The following ZBTB7A variants were observed in gnomAD, a reference collection of about 807,000 sequenced individuals.
ZBTB7A encodes zinc finger and BTB domain containing 7A.
ZBTB7A carries 7 observed loss-of-function variants against 26.7 expected under a neutral mutation model. That is an observed-to-expected ratio of 0.26 (90% CI 0.15 to 0.49). The LOEUF is 0.49. ZBTB7A is among the 20% of genes least tolerant of loss of function. The pLI is 0.98. For synonymous variants in ZBTB7A, 452 were observed against 441.0 expected (o/e 1.02, Z -0.31); for missense variants, 617 against 919.5 (o/e 0.67, Z 4.25).
intron 1 of ZBTB7A, among the ~76,000 whole-genome samples, chr19:4,060,213 C>A (rs1599261341): frequency 1.3e-5 from 2 of 152,150 alleles, no homozygotes; most frequent in African/African-American, 4.8e-5. Context: ...GGCCCCTAAG[C>A]CCAACCCTCC....
Position 4,045,752 on chromosome 19 carries a change from T to C in ZBTB7A, c.*2000A>G, listed in dbSNP as rs1032001153. On this transcript the variant is annotated 3_prime_UTR_variant, in exon 3 of 3. Coordinates refer to ENST00000322357, the MANE Select transcript of ZBTB7A (RefSeq NM_015898.4). The surrounding 1 kb of genome is among the most constrained non-coding windows in gnomAD (Gnocchi z 4.1). Reference sequence around the variant, plus strand: ...AACGGGGTGAGGGCGTCCTGGCATCTGGCGACATAGTCTCCCCAACCCCGG... The same window carrying C: ...AACGGGGTGAGGGCGTCCTGGCATCCGGCGACATAGTCTCCCCAACCCCGG... 5.0e-6 allele frequency: 2 copies of C among 397,192 alleles called. No homozygotes were observed. Among genetic ancestry groups the C allele is most frequent in the African/African-American group, 2.1e-5 (1 of 48,604 alleles). The allele number at this position is 397,192 out of a possible 1,614,324, so 24.6% of individuals were successfully genotyped here.
At chr19:4,066,205 C>A (rs1344885963) in intron 1 of ZBTB7A, among the ~76,000 whole-genome samples, 1 of 133,798 alleles carries the variant, frequency 7.5e-6, no homozygotes. Context: ...CCCCTCCCCC[C>A]CATCCCCCAT....
intron 2 of ZBTB7A, among the ~76,000 whole-genome samples, chr19:4,053,312 T>C (rs2040523456): frequency 6.6e-6 from 1 of 152,204 alleles, no homozygotes; most frequent in African/African-American, 2.4e-5. Context: ...AACAGCCACG[T>C]GGGTCAGGGA....
Position 4,054,609 on chromosome 19 carries a change from G to GGCGGCCACA in ZBTB7A, c.615_623dup (p.Val209_Ala211dup). 2 of 1,584,172 alleles carry GGCGGCCACA rather than the reference G, an allele frequency of 1.3e-6. No homozygotes were observed. Among genetic ancestry groups the GGCGGCCACA allele is most frequent in the Non-Finnish European group, 1.7e-6 (2 of 1,169,820 alleles). ...AGCCGTTGCAGTCGCCCGCGGCCAC[G>GGCGGCCACA]GCGGCCACAGCGGCGGCCACGGCCT... On this transcript the variant is annotated inframe_insertion, in exon 2 of 3. Coordinates refer to ENST00000322357, the MANE Select transcript of ZBTB7A (RefSeq NM_015898.4).
rs2040424751 is a variant in ZBTB7A, at chr19:4,046,720, C to CT, written c.*1031dup. On this transcript the variant is annotated 3_prime_UTR_variant, in exon 3 of 3. Coordinates refer to ENST00000322357, the MANE Select transcript of ZBTB7A (RefSeq NM_015898.4). ...CCCTGGGGTTCCTCTGATCGTGACT[C>CT]TGTTTATCCCACACTGTTGCCTGCT... 1 of 149,266 alleles carries CT rather than the reference C, an allele frequency of 6.7e-6. No homozygotes were observed. The highest frequency in any genetic ancestry group is 1.9e-4 in the East Asian group (1 of 5,152). 9.2% of individuals were successfully genotyped at this position (149,266 alleles called of 1,614,324 possible). A position where few individuals can be genotyped will look rare whatever the true frequency, so the allele number is the denominator to read the frequency against.
At chr19:4,053,821 G>A in intron 2 of ZBTB7A, 150 bp downstream of exon 2, 2 of 864,366 alleles carry the variant, frequency 2.3e-6, no homozygotes, top group Non-Finnish European at 3.5e-6. Flanking sequence ...GCATGTGTCT[G>A]TGCGTGTACG....
chr19:4,066,366 C>T (rs1157542456), intron 1 of ZBTB7A, among the ~76,000 whole-genome samples: 1 of 150,240 alleles, frequency 6.7e-6, no homozygotes, highest in Non-Finnish European at 1.5e-5. Flanking sequence ...CAATGCAGCC[C>T]TGCTTCCCCT....
At chr19:4,056,202 C>T (rs1180904501) in intron 1 of ZBTB7A, among the ~76,000 whole-genome samples, 3 of 151,832 alleles carry the variant, frequency 2.0e-5, no homozygotes, top group East Asian at 1.9e-4. Flanking sequence ...TACACAAGGG[C>T]GGCCAGCTGT....
Position 4,054,188 on chromosome 19 carries a change from T to C in ZBTB7A, c.1045A>G (p.Met349Val). Residue 349 changes from methionine (M) to valine (V), a missense_variant, in exon 2 of 3, where the codon ATG becomes GTG. Coordinates refer to ENST00000322357, the MANE Select transcript of ZBTB7A (RefSeq NM_015898.4). ...EESRADDKGV[M>V]DYYLKYFSGA... Reference sequence around the variant, plus strand: ...CTGAAGTACTTCAGGTAGTAGTCCATGACGCCCTTGTCGTCGGCCCGCGAC... The same window carrying C: ...CTGAAGTACTTCAGGTAGTAGTCCACGACGCCCTTGTCGTCGGCCCGCGAC... The C allele has an allele frequency of 1.9e-6, 3 of 1,595,346 alleles. No individual in the cohort carries two copies. The highest frequency in any genetic ancestry group is 1.1e-5 in the South Asian group (1 of 90,774).
chr19:4,045,616 A>C lies in ZBTB7A; in HGVS notation c.*2136T>G. Reference sequence around the variant, plus strand: ...ATGTGTGTGTCACAGAGAAGGGGGTATGGGGGGGTCGGGGGCAGGGAGACA... The same window carrying C: ...ATGTGTGTGTCACAGAGAAGGGGGTCTGGGGGGGTCGGGGGCAGGGAGACA... On this transcript the variant is annotated 3_prime_UTR_variant, in exon 3 of 3. Coordinates refer to ENST00000322357, the MANE Select transcript of ZBTB7A (RefSeq NM_015898.4). This position sits in a 1 kb window ranked among gnomAD's most constrained non-coding sequence, Gnocchi z 4.1. The C allele has an allele frequency of 3.5e-6, 1 of 284,842 alleles. No homozygotes were observed. The highest frequency in any genetic ancestry group is 6.0e-6 in the Non-Finnish European group (1 of 166,234). The allele number at this position is 284,842 out of a possible 1,614,324, so 17.6% of individuals were successfully genotyped here.
At chr19:4,055,401 G>A (rs1171845434) in intron 1 of ZBTB7A, 154 bp from the exon 2 acceptor site, 4 of 985,288 alleles carry the variant, frequency 4.1e-6, no homozygotes, top group Non-Finnish European at 4.8e-6. Context: ...CAGATGTCGC[G>A]CCTTTCCAGC....
At chr19:4,059,505 C>A (rs2040617795) in intron 1 of ZBTB7A, among the ~76,000 whole-genome samples, 1 of 152,156 alleles carries the variant, frequency 6.6e-6, no homozygotes, top group Non-Finnish European at 1.5e-5. Flanking sequence ...CAAGGAAAGC[C>A]CCCGTGAGAG....
Position 4,054,820 on chromosome 19 carries a change from G to A in ZBTB7A, c.413C>T (p.Ala138Val), listed in dbSNP as rs866867944. 6.3e-7 allele frequency: 1 copy of A among 1,598,460 alleles called. No individual in the cohort carries two copies. Reference sequence around the variant, plus strand: ...TACAAGGTCCAGCTGCCCGGCGTCGGCGCCCGCGTCGGCCGCCAGGATCTG... The same window carrying A: ...TACAAGGTCCAGCTGCCCGGCGTCGACGCCCGCGTCGGCCGCCAGGATCTG... ...DRQILAADAG[A>V]DAGQLDLVDQ... Residue 138 changes from alanine to valine, a missense_variant, in exon 2 of 3, where the codon GCC becomes GTC. By Grantham distance (64) the Ala-to-Val change is moderately conservative. Coordinates refer to ENST00000322357, the MANE Select transcript of ZBTB7A (RefSeq NM_015898.4).
chr19:4,053,497 G>A (rs1212192310), intron 2 of ZBTB7A, among the ~76,000 whole-genome samples: 1 of 83,452 alleles, frequency 1.2e-5, no homozygotes, highest in Non-Finnish European at 2.1e-5. Flanking sequence ...CTGTGTGCGT[G>A]CCTGGGTGTG....
rs1163895033 is a variant in ZBTB7A, at chr19:4,054,912, G to A, written c.321C>T (p.Ile107=). The change falls in exon 2 of 3, where the codon ATC becomes ATT. Residue 107 remains isoleucine, a synonymous_variant. Coordinates refer to ENST00000322357, the MANE Select transcript of ZBTB7A (RefSeq NM_015898.4). The part of the protein sequence containing the change: ...LTVSTANVGD[I]LSAARLLEIP... ...TCTCCAGCAGGCGGGCGGCGCTGAG[G>A]ATGTCACCCACGTTGGCTGTGCTGA... 5.0e-6 allele frequency: 8 copies of A among 1,610,500 alleles called. No homozygotes were observed. The African/African-American group carries it at 8.0e-5, about 16-fold the overall frequency.
At position 4,048,050 on chromosome 19, in the gene ZBTB7A, T is replaced by C; in HGVS notation, c.1457A>G (p.Lys486Arg). The C allele has an allele frequency of 6.3e-7, 1 of 1,578,794 alleles. No individual in the cohort carries two copies. Among genetic ancestry groups the C allele is most frequent in the Non-Finnish European group, 8.6e-7 (1 of 1,164,838 alleles). ...VRSDHLHRHL[K>R]KDGCNGVPSR... ...GGGGACGCCGTTGCAGCCGTCTTTC[T>C]TGAGGTGTCTGTGCAGGTGGTCGGA... Residue 486 changes from lysine to arginine, a missense_variant, in exon 3 of 3, where the codon AAG becomes AGG. Physicochemically the swap from Lys to Arg is conservative, Grantham distance 26. Transcript: ENST00000322357. The surrounding 1 kb of genome is among the most constrained non-coding windows in gnomAD (Gnocchi z 6.7).
intron 1 of ZBTB7A, among the ~76,000 whole-genome samples, chr19:4,058,930 C>T (rs1017852152): frequency 1.3e-5 from 2 of 152,230 alleles, no homozygotes; most frequent in African/African-American, 4.8e-5. Context: ...TCAGCACCCC[C>T]GTCTACTCTA....
intron 1 of ZBTB7A, among the ~76,000 whole-genome samples, chr19:4,056,959 G>A (rs1482865332): frequency 5.4e-5 from 8 of 148,672 alleles, no homozygotes; most frequent in African/African-American, 1.7e-4. Context: ...CCCGGGAGGC[G>A]AAGGTTGTGG....
At position 4,054,920 on chromosome 19, in the gene ZBTB7A, C is replaced by T. The variant is rs1222618384; in HGVS notation, c.313G>A (p.Gly105Ser). Reference protein sequence around the residue: ...ATLTVSTANVGDILSAARLLE... With the variant: ...ATLTVSTANVSDILSAARLLE... The stretch of plus-strand genomic sequence containing the variant: ...AGGCGGGCGGCGCTGAGGATGTCAC[C>T]CACGTTGGCTGTGCTGACGGTGAGC... Residue 105 changes from glycine to serine, a missense_variant, in exon 2 of 3, where the codon GGT becomes AGT. Gly to Ser is a moderately conservative substitution (Grantham distance 56). Transcript: ENST00000322357. The T allele has an allele frequency of 1.2e-6, 2 of 1,611,118 alleles. No homozygotes were observed. Among genetic ancestry groups the T allele is most frequent in the African/African-American group, 2.7e-5 (2 of 74,892 alleles).
Sources: allele counts gnomAD v4.1 joint callset (sites outside exome capture counted in the v4.1 genomes callset), GRCh38; gene constraint gnomAD v4.1.1; non-coding constraint Gnocchi (gnomAD v3.1); transcripts MANE v1.5; gene names NCBI Gene and HGNC (gene_info 2026-07-23, HGNC 2026-07-21).